The following SLC30A7 variants were observed in gnomAD, a reference collection of about 807,000 sequenced individuals.
SLC30A7 encodes solute carrier family 30 member 7.
A neutral mutation model predicts 46.0 loss-of-function variants in SLC30A7; 35 were observed. The ratio of observed to expected loss-of-function variants is 0.76; its 90% confidence interval spans 0.58 to 1.01. The LOEUF is 1.01. Ranked by LOEUF, SLC30A7 falls within the 50% of genes least tolerant of loss-of-function variation. The probability of loss-of-function intolerance (pLI) is 0.00; values close to 1 mark genes in which losing one functional copy is unlikely to be tolerated. For synonymous variants in SLC30A7, 147 were observed against 157.8 expected (o/e 0.93, Z 0.51); for missense variants, 464 against 451.1 (o/e 1.03, Z -0.26).
At position 100,975,063 on chromosome 1, in the gene SLC30A7, G is replaced by T; in HGVS notation, c.*206G>T. 2.5e-6 allele frequency: 1 copy of T among 394,472 alleles called. No individual in the cohort carries two copies. The highest frequency in any genetic ancestry group is 2.1e-5 in the African/African-American group (1 of 48,538). 24.4% of individuals were successfully genotyped at this position (394,472 alleles called of 1,614,324 possible). On this transcript the variant is annotated 3_prime_UTR_variant, in exon 11 of 11. Transcript: ENST00000357650. ...TTAAGAGGATATCTCCTGGACTTTT[G>T]GTCTTTTCTTTTGTGCTCTTTCCTC...
intron 8 of SLC30A7, among the ~76,000 whole-genome samples, chr1:100,956,833 T>C (rs1252993680): frequency 6.6e-6 from 1 of 152,150 alleles, no homozygotes; most frequent in Non-Finnish European, 1.5e-5. Flanking sequence ...AGAAAACCAT[T>C]TACCAAAAGT....
chr1:100,993,826 C>G, the SLC30A7 span, among the ~76,000 whole-genome samples: 1 of 151,590 alleles, frequency 6.6e-6, no homozygotes, highest in East Asian at 1.9e-4. Context: ...ACTGCAACCT[C>G]TGCCTCCTGG....
rs149287565 is a variant in SLC30A7 at position 100,976,682 on chromosome 1, T to C, written c.*1825T>C. 5.0e-4 allele frequency: 77 copies of C among 152,774 alleles called. No individual in the cohort carries two copies. The highest frequency in any genetic ancestry group is 1.9e-3 in the African/African-American group (77 of 41,584). 9.5% of individuals were successfully genotyped at this position (152,774 alleles called of 1,614,324 possible). On this transcript the variant is annotated 3_prime_UTR_variant, in exon 11 of 11. Coordinates refer to ENST00000357650, the MANE Select transcript of SLC30A7 (RefSeq NM_133496.5). ...TAGATCAATAAGTACTTTTTAGTGATGTGGCAGAAATCCCTGTTGATTCTA... is the reference window on the plus strand; with the variant it reads ...TAGATCAATAAGTACTTTTTAGTGACGTGGCAGAAATCCCTGTTGATTCTA...
chr1:100,952,895 T>A (rs1346905525), intron 8 of SLC30A7, among the ~76,000 whole-genome samples: 1 of 152,298 alleles, frequency 6.6e-6, no homozygotes, highest in East Asian at 1.9e-4. Context: ...GTAGATTGGA[T>A]CAAATATAAG....
chr1:100,970,867 T>C (rs772793602), intron 10 of SLC30A7, among the ~76,000 whole-genome samples: 32 of 152,070 alleles, frequency 2.1e-4, no homozygotes, highest in Non-Finnish European at 3.7e-4. Context: ...TAAAGAAACA[T>C]GTAGAAATAT....
At chr1:100,957,245 AG>A (rs1558003902) in intron 8 of SLC30A7, among the ~76,000 whole-genome samples, 2 of 152,226 alleles carry the variant, frequency 1.3e-5, no homozygotes, top group African/African-American at 4.8e-5. Context: ...ATCTGATGCC[AG>A]ATATATAGTA....
intron 8 of SLC30A7, among the ~76,000 whole-genome samples, chr1:100,944,794 T>C (rs771601759): frequency 2.1e-4 from 32 of 152,194 alleles, no homozygotes; most frequent in Non-Finnish European, 3.4e-4. Flanking sequence ...TATAGTAGCA[T>C]GATTTATAAT....
chr1:100,936,059 T>C (rs1047658645), intron 8 of SLC30A7, among the ~76,000 whole-genome samples: 21 of 152,280 alleles, frequency 1.4e-4, no homozygotes, highest in African/African-American at 3.6e-4. Context: ...ACCAATATTT[T>C]AAATTGTCTT....
rs755327038 is a variant in SLC30A7 at position 100,965,751 on chromosome 1, C to A, written c.934-18C>A. On this transcript the variant is annotated intron_variant, in intron 9 of 10. Transcript: ENST00000357650. ...CTTAACTTGATTATGATGTTAATATCTCTCCTTTATATTTCAGGTACAGCA... is the reference window on the plus strand; with the variant it reads ...CTTAACTTGATTATGATGTTAATATATCTCCTTTATATTTCAGGTACAGCA... 6.2e-7 allele frequency: 1 copy of A among 1,607,372 alleles called. No homozygotes were observed. Among genetic ancestry groups the A allele is most frequent in the South Asian group, 1.1e-5 (1 of 90,844 alleles).
intron 8 of SLC30A7, among the ~76,000 whole-genome samples, chr1:100,929,318 A>C (rs1265397493): frequency 6.6e-6 from 1 of 152,154 alleles, no homozygotes. Context: ...CCAAAGTACA[A>C]AATAAAGAAA....
At chr1:100,926,924 A>C (rs1020169397) in intron 8 of SLC30A7, among the ~76,000 whole-genome samples, 1 of 152,178 alleles carries the variant, frequency 6.6e-6, no homozygotes, top group Non-Finnish European at 1.5e-5. Flanking sequence ...TGCATAGGGT[A>C]ATATTGGAGC....
intron 9 of SLC30A7, 125 bp from the exon 10 acceptor site, chr1:100,965,644 A>G: frequency 1.3e-6 from 1 of 759,180 alleles, no homozygotes; most frequent in Non-Finnish European, 2.2e-6. Flanking sequence ...TTATTCAAAC[A>G]TCCTCCTTTC....
At chr1:100,897,666 C>T (rs767825362) in intron 2 of SLC30A7, among the ~76,000 whole-genome samples, 1 of 152,154 alleles carries the variant, frequency 6.6e-6, no homozygotes, top group Non-Finnish European at 1.5e-5. Flanking sequence ...GGTAATATCA[C>T]CAGGTTTTGT....
rs191150555 is a variant in SLC30A7, at chr1:100,970,732, T to C, written c.1084-4078T>C. On this transcript the variant is annotated intron_variant, in intron 10 of 10. Transcript: ENST00000357650. The stretch of plus-strand genomic sequence containing the variant: ...TAGATTAGGAAGGCAATTAACATCT[T>C]ATGTTTTAAATTGGCCAATAGTATT... 9.8e-4 allele frequency among the ~76,000 whole-genome samples: 149 copies of C among 151,564 alleles called. 1 individual carries two copies. The highest frequency in any genetic ancestry group is 3.3e-3 in the African/African-American group (135 of 41,324).
intron 8 of SLC30A7, among the ~76,000 whole-genome samples, chr1:100,923,382 T>G (rs1176802651): frequency 6.6e-6 from 1 of 152,174 alleles, no homozygotes; most frequent in Non-Finnish European, 1.5e-5. Flanking sequence ...AGATTTTTTT[T>G]TAAAGTTTCT....
chr1:100,964,229 A>T (rs750381224), intron 9 of SLC30A7, among the ~76,000 whole-genome samples: 3 of 101,514 alleles, frequency 3.0e-5, no homozygotes, highest in Non-Finnish European at 6.2e-5. Flanking sequence ...TAATTGTTTT[A>T]TATATATATA....
At chr1:100,965,233 G>A (rs1347366820) in intron 9 of SLC30A7, among the ~76,000 whole-genome samples, 1 of 152,134 alleles carries the variant, frequency 6.6e-6, no homozygotes, top group African/African-American at 2.4e-5. Context: ...TGCTGTAATT[G>A]TTATAAAGAT....
At chr1:100,992,956 C>A in the SLC30A7 span, among the ~76,000 whole-genome samples, 3 of 152,146 alleles carry the variant, frequency 2.0e-5, no homozygotes, top group Non-Finnish European at 4.4e-5. Context: ...TCTGATCTCA[C>A]TGAAATGATG....
At chr1:100,956,558 C>T (rs1483315710) in intron 8 of SLC30A7, among the ~76,000 whole-genome samples, 1 of 152,086 alleles carries the variant, frequency 6.6e-6, no homozygotes, top group African/African-American at 2.4e-5. Context: ...GGCTGATCTC[C>T]TCAAGGATTA....
Sources: allele counts gnomAD v4.1 joint callset (sites outside exome capture counted in the v4.1 genomes callset), GRCh38; gene constraint gnomAD v4.1.1; transcripts MANE v1.5; gene names NCBI Gene and HGNC (gene_info 2026-07-23, HGNC 2026-07-21).